The following C2CD2L variants were observed in gnomAD, a reference collection of about 807,000 sequenced individuals.
The protein encoded by C2CD2L is phospholipid transfer protein C2CD2L.
Under a neutral mutation model 69.9 loss-of-function variants are expected in C2CD2L, and 24 were observed. The observed-to-expected ratio is 0.34, with a 90% CI of 0.25 to 0.48. The LOEUF is 0.48. Among genes scored for constraint, C2CD2L ranks in the 20% least tolerant of loss-of-function variants. C2CD2L has a pLI of 0.99. For synonymous variants in C2CD2L, 367 were observed against 391.0 expected (o/e 0.94, Z 0.72); for missense variants, 811 against 941.5 (o/e 0.86, Z 1.81).
In C2CD2L at chr11:119,116,576, G is replaced by A; in HGVS notation, c.*320G>A. The A allele has an allele frequency of 2.1e-6, 1 of 474,710 alleles. No individual in the cohort carries two copies. 29.4% of individuals were successfully genotyped at this position (474,710 alleles called of 1,614,324 possible). A position where few individuals can be genotyped will look rare whatever the true frequency, so the allele number is the denominator to read the frequency against. Reference sequence around the variant, plus strand: ...CCTGAGCGGAGTCCCAGGGTGCTCAGCTCTTCAGCTGACCCTTCTTCCCTT... The same window carrying A: ...CCTGAGCGGAGTCCCAGGGTGCTCAACTCTTCAGCTGACCCTTCTTCCCTT... On this transcript the variant is annotated 3_prime_UTR_variant, in exon 14 of 14. Coordinates refer to ENST00000648610, the MANE Select transcript of C2CD2L (RefSeq NM_001290474.2).
Position 119,108,019 on chromosome 11 carries a change from T to A in C2CD2L, c.278T>A (p.Phe93Tyr), listed in dbSNP as rs751467120. ...PGVRGLLASLFAFKSFRENWQ... is the reference protein window; with the variant it reads ...PGVRGLLASLYAFKSFRENWQ... The stretch of plus-strand genomic sequence containing the variant: ...GTCCGGGGCCTCCTGGCGTCACTCT[T>A]CGCCTTCAAGTCTTTCCGGGAGAAC... The change falls in exon 1 of 14, where the codon TTC (phenylalanine) becomes TAC (tyrosine). Residue 93 changes from phenylalanine to tyrosine, a missense_variant. Physicochemically the swap from Phe to Tyr is conservative, Grantham distance 22. Transcript: ENST00000648610. The A allele has an allele frequency of 1.9e-6, 3 of 1,597,316 alleles. No homozygotes were observed. In the South Asian group the frequency reaches 3.3e-5, roughly 18 times the overall value.
In C2CD2L at chr11:119,116,500, C is replaced by G; in HGVS notation, c.*244C>G. 1.7e-6 allele frequency: 1 copy of G among 586,346 alleles called. No homozygotes were observed. The highest frequency in any genetic ancestry group is 3.0e-6 in the Non-Finnish European group (1 of 328,406). The allele number at this position is 586,346 out of a possible 1,614,324, so 36.3% of individuals were successfully genotyped here. On this transcript the variant is annotated 3_prime_UTR_variant, in exon 14 of 14. Coordinates refer to ENST00000648610, the MANE Select transcript of C2CD2L (RefSeq NM_001290474.2). ...CTGGGAGGGAGAGGAGGGCCCTGTC[C>G]GGCATGTGTGGGTATTCCCCAGAAG...
At chr11:119,105,244 C>G (rs1946559672), upstream of C2CD2L, among the ~76,000 whole-genome samples, 1 of 152,094 alleles carries the variant, frequency 6.6e-6, no homozygotes, top group Admixed American at 6.5e-5. Flanking sequence ...TGGTTCCCAC[C>G]CCTAGGCAGC....
In C2CD2L at chr11:119,116,024, GC is replaced by G; in HGVS notation, c.1910-20del. 6.2e-7 allele frequency: 1 copy of G among 1,610,600 alleles called. No homozygotes were observed. The highest frequency in any genetic ancestry group is 8.5e-7 in the Non-Finnish European group (1 of 1,178,508). On this transcript the variant is annotated intron_variant, in intron 13 of 13. Coordinates refer to ENST00000648610, the MANE Select transcript of C2CD2L (RefSeq NM_001290474.2). ...CCACCCCGTGCCCCTCTCTGCCTCA[GC>G]TTCCCCTCTTCCCCTGCAGTGAGTT...
chr11:119,114,184 T>A lies in C2CD2L; in HGVS notation c.1728T>A (p.Pro576=). ...GGACCAGCGGAGGCCCCTCTTCACCTCCCTCAGACCCACCAGCCATGTCTC... is the reference window on the plus strand; with the variant it reads ...GGACCAGCGGAGGCCCCTCTTCACCACCCTCAGACCCACCAGCCATGTCTC... The part of the protein sequence containing the change: ...DAGTSGGPSS[P]PSDPPAMSPG... The change falls in exon 13 of 14, where the codon CCT becomes CCA. Residue 576 remains proline (P), a synonymous_variant. Transcript: ENST00000648610. The surrounding 1 kb of genome is among the most constrained non-coding windows in gnomAD (Gnocchi z 5.1). The A allele has an allele frequency of 6.2e-7, 1 of 1,613,996 alleles. No individual in the cohort carries two copies. The highest frequency in any genetic ancestry group is 1.6e-4 in the Middle Eastern group (1 of 6,062).
rs758607306 is a variant in C2CD2L at position 119,111,540 on chromosome 11, T to C, written c.930T>C (p.Cys310=). ...NELEGTEELC[C]VAELDNPMQQ... ...TCACAGGCACCGAGGAACTGTGCTGTGTAGCTGAACTCGACAACCCCATGC... is the reference window on the plus strand; with the variant it reads ...TCACAGGCACCGAGGAACTGTGCTGCGTAGCTGAACTCGACAACCCCATGC... Residue 310 remains cysteine, a synonymous_variant, in exon 7 of 14, where the codon TGT becomes TGC. Transcript: ENST00000648610. 6.2e-7 allele frequency: 1 copy of C among 1,614,190 alleles called. No homozygotes were observed. Among genetic ancestry groups the C allele is most frequent in the South Asian group, 1.1e-5 (1 of 91,086 alleles).
rs947778500 is a variant in C2CD2L at position 119,110,681 on chromosome 11, G to A, written c.570+1G>A. On this transcript the variant is annotated splice_donor_variant, in intron 3 of 13. Transcript: ENST00000648610. LOFTEE classifies it high-confidence loss of function. The surrounding 1 kb of genome is among the most constrained non-coding windows in gnomAD (Gnocchi z 5.7). ...CACTCTGACACTGCCACCAACACAG[G>A]TAGAAGGGGATGTGGGAAACTGAGT... 6.2e-7 allele frequency: 1 copy of A among 1,613,792 alleles called. No homozygotes were observed. The highest frequency in any genetic ancestry group is 1.3e-5 in the African/African-American group (1 of 74,932).
intron 5 of C2CD2L, 43 bp from the exon 6 acceptor site, chr11:119,111,220 C>T: frequency 6.2e-7 from 1 of 1,610,144 alleles, no homozygotes; most frequent in Non-Finnish European, 8.5e-7. Flanking sequence ...TCCTAGGGTG[C>T]TATGTCAGGA....
rs971922281 is a variant in C2CD2L, at chr11:119,118,200, G to C, written c.*1944G>C. On this transcript the variant is annotated 3_prime_UTR_variant, in exon 14 of 14. Transcript: ENST00000648610. ...TTTTAGTGTGCGCATCGCCCAAATA[G>C]TGAACATCATACCCAATAGGTAGTT... 6.6e-6 allele frequency: 1 copy of C among 152,104 alleles called. No homozygotes were observed. Among genetic ancestry groups the C allele is most frequent in the Admixed American group, 6.5e-5 (1 of 15,274 alleles). The allele number at this position is 152,104 out of a possible 1,614,324, so 9.4% of individuals were successfully genotyped here. A position where few individuals can be genotyped will look rare whatever the true frequency, so the allele number is the denominator to read the frequency against.
In C2CD2L at chr11:119,107,921, G is replaced by T; in HGVS notation, c.180G>T (p.Leu60=). 4 of 1,535,482 alleles carry T rather than the reference G, an allele frequency of 2.6e-6. No homozygotes were observed. The highest frequency in any genetic ancestry group is 1.7e-6 in the Non-Finnish European group (2 of 1,147,070). The change falls in exon 1 of 14, where the codon CTG becomes CTT. Residue 60 remains leucine (L), a synonymous_variant. Transcript: ENST00000648610. This position sits in a 1 kb window ranked among gnomAD's most constrained non-coding sequence, Gnocchi z 5.4. The stretch of plus-strand genomic sequence containing the variant: ...TAGCCGGGGAACCCGCGGGTTCCCT[G>T]CGGGAGCTGGGCGTGTGGCGCTCGC... ...PALAGEPAGS[L]RELGVWRSLL...
At chr11:119,115,947 T>G (rs1946875093) in intron 13 of C2CD2L, 98 bp from the exon 14 acceptor site, 1 of 965,484 alleles carries the variant, frequency 1.0e-6, no homozygotes, top group African/African-American at 1.6e-5. Context: ...ACTGATCCTG[T>G]CCACATCCTC....
rs553850740 is a variant in C2CD2L at position 119,110,013 on chromosome 11, G to A, written c.355-91G>A. ...AAGCCAGCCTGCAGCTGAGGCCTCC[G>A]CAGTGGCAGAGTCCAGCCAGCAACT... On this transcript the variant is annotated intron_variant, in intron 1 of 13. Transcript: ENST00000648610. This position sits in a 1 kb window ranked among gnomAD's most constrained non-coding sequence, Gnocchi z 5.7. 6.6e-5 allele frequency: 60 copies of A among 911,480 alleles called. No individual in the cohort carries two copies. Among genetic ancestry groups the A allele is most frequent in the Middle Eastern group, 2.2e-4 (1 of 4,610 alleles). The allele number at this position is 911,480 out of a possible 1,614,324, so 56.5% of individuals were successfully genotyped here.
In C2CD2L at chr11:119,117,941, C is replaced by T. The variant is rs1946931221; in HGVS notation, c.*1685C>T. On this transcript the variant is annotated 3_prime_UTR_variant, in exon 14 of 14. Coordinates refer to ENST00000648610, the MANE Select transcript of C2CD2L (RefSeq NM_001290474.2). ...CACTTCCAGCCTTGACATTCTATGA[C>T]TACCTATATCTCAGGGTGTTTAGGG... 6.6e-6 allele frequency: 1 copy of T among 152,196 alleles called. No individual in the cohort carries two copies. Among genetic ancestry groups the T allele is most frequent in the Admixed American group, 6.5e-5 (1 of 15,280 alleles). 9.4% of individuals were successfully genotyped at this position (152,196 alleles called of 1,614,324 possible). A position where few individuals can be genotyped will look rare whatever the true frequency, so the allele number is the denominator to read the frequency against.
chr11:119,113,149 C>T, intron 10 of C2CD2L: 1 of 517,808 alleles, frequency 1.9e-6, no homozygotes, highest in South Asian at 2.5e-5. Flanking sequence ...CTTCCAGCTT[C>T]CCCTCTGGCT....
In C2CD2L at chr11:119,114,039, G is replaced by A. The variant is rs765674535; in HGVS notation, c.1624-41G>A. 1.2e-6 allele frequency: 2 copies of A among 1,613,444 alleles called. No homozygotes were observed. Among genetic ancestry groups the A allele is most frequent in the African/African-American group, 1.3e-5 (1 of 74,996 alleles). ...TGGGATGGGGAGAAAGCCCTAATGG[G>A]TCGGTCACTCCTGCCCATTAAAACC... On this transcript the variant is annotated intron_variant, in intron 12 of 13. Coordinates refer to ENST00000648610, the MANE Select transcript of C2CD2L (RefSeq NM_001290474.2). The surrounding 1 kb of genome is among the most constrained non-coding windows in gnomAD (Gnocchi z 5.1).
chr11:119,112,640 G>A (rs1946779850), intron 9 of C2CD2L, 31 bp downstream of exon 9: 3 of 1,607,522 alleles, frequency 1.9e-6, no homozygotes, highest in South Asian at 1.1e-5. Context: ...GTAGGTGGGA[G>A]GACACAGGGG....
At chr11:119,115,731 A>G in intron 13 of C2CD2L, 1 of 454,972 alleles carries the variant, frequency 2.2e-6, no homozygotes, top group Admixed American at 3.8e-5. Flanking sequence ...TTGTCCTCAC[A>G]AAGCGGCCAG....
intron 1 of C2CD2L, chr11:119,108,432 C>A (rs182055706): frequency 3.4e-5 from 9 of 261,106 alleles, no homozygotes; most frequent in Admixed American, 2.7e-4. Flanking sequence ...GGTGCACCTG[C>A]AGAAGGAATT....
rs1946913995 is a variant in C2CD2L, at chr11:119,117,067, T to C, written c.*811T>C. ...TGTTGGGAGACGATGATGATGTCCA[T>C]TGCTGTGTGATGGCTTGGAATTTAA... On this transcript the variant is annotated 3_prime_UTR_variant, in exon 14 of 14. Coordinates refer to ENST00000648610, the MANE Select transcript of C2CD2L (RefSeq NM_001290474.2). 6.5e-6 allele frequency: 1 copy of C among 152,684 alleles called. No homozygotes were observed. Among genetic ancestry groups the C allele is most frequent in the South Asian group, 2.1e-4 (1 of 4,832 alleles). 9.5% of individuals were successfully genotyped at this position (152,684 alleles called of 1,614,324 possible). A position where few individuals can be genotyped will look rare whatever the true frequency, so the allele number is the denominator to read the frequency against.
Sources: gnomAD v4.1 joint callset for allele counts (sites outside exome capture counted in the v4.1 genomes callset) on GRCh38, gnomAD v4.1.1 for gene constraint, Gnocchi (gnomAD v3.1) non-coding constraint, MANE v1.5 for transcripts, NCBI Gene and HGNC (gene_info 2026-07-23, HGNC 2026-07-21) for gene names.